The following DMXL1 variants were observed in gnomAD, a reference collection of about 807,000 sequenced individuals.
DMXL1 encodes the protein Dmx like 1.
In DMXL1, 99 loss-of-function variants were observed where a neutral mutation model predicts 319.2. The observed-to-expected ratio is 0.31, with a 90% CI of 0.26 to 0.37. The LOEUF (loss-of-function observed/expected upper bound fraction) is 0.37. Among genes scored for constraint, DMXL1 ranks in the 10% least tolerant of loss-of-function variants. The pLI is 1.00. For synonymous variants in DMXL1, 1,385 were observed against 1,235.2 expected (o/e 1.12, Z -2.54); for missense variants, 3,745 against 3,595.6 (o/e 1.04, Z -1.06).
At chr5:119,212,040 T>G (rs1278996362) in intron 34 of DMXL1, among the ~76,000 whole-genome samples, 2 of 152,216 alleles carry the variant, frequency 1.3e-5, no homozygotes, top group Non-Finnish European at 2.9e-5. Flanking sequence ...GCATAATTCC[T>G]TTTTGTGGTA....
Position 119,193,943 on chromosome 5 carries a change from A to G in DMXL1, c.7430A>G (p.Gln2477Arg). 6.2e-7 allele frequency: 1 copy of G among 1,609,158 alleles called. No homozygotes were observed. The change falls in exon 30 of 44, where the codon CAG becomes CGG. Residue 2477 changes from glutamine to arginine, a missense_variant. Around this residue, in one of 4 missense-constraint regions of DMXL1, gnomAD observed 1,382 missense variants for 1,269.5 expected, o/e 1.09. Coordinates refer to ENST00000539542, the MANE Select transcript of DMXL1 (RefSeq NM_001290321.3). ...DDVLASDFHL[Q>R]EHSNSNSYSW... ...GTTTTAGCATCAGATTTCCATCTCC[A>G]GGAACATTCTAATTCAAATTCATAT...
chr5:119,110,331 T>TG (rs1280404569), intron 5 of DMXL1, 48 bp downstream of exon 5: 2 of 1,453,744 alleles, frequency 1.4e-6, no homozygotes, highest in Non-Finnish European at 1.8e-6. Flanking sequence ...TTGTTCTATG[T>TG]GGTTTTATTA....
chr5:119,180,539 A>T, intron 28 of DMXL1, among the ~76,000 whole-genome samples: 1 of 152,232 alleles, frequency 6.6e-6, no homozygotes, highest in Middle Eastern at 3.4e-3. Context: ...TCTTATGCAC[A>T]TCAGATTTCA....
chr5:119,202,891 A>ATATATATATTTATATATT (rs1781045102), intron 32 of DMXL1, among the ~76,000 whole-genome samples: 1 of 139,962 alleles, frequency 7.1e-6, no homozygotes, highest in African/African-American at 2.8e-5. Context: ...ATTTTTATAT[A>ATATATATATTTATATATT]TATATATATA....
intron 19 of DMXL1, among the ~76,000 whole-genome samples, chr5:119,157,845 A>G (rs551520363): frequency 3.4e-4 from 51 of 151,992 alleles, no homozygotes; most frequent in African/African-American, 1.2e-3. Flanking sequence ...TTTTTCTTCT[A>G]TTTCTGTGAA....
chr5:119,127,504 C>T (rs1763866576), intron 9 of DMXL1, among the ~76,000 whole-genome samples: 6 of 152,082 alleles, frequency 3.9e-5, no homozygotes, highest in Non-Finnish European at 7.4e-5. Context: ...GTGCAGTGAC[C>T]GATAGCTCAC....
At chr5:119,214,372 C>A (rs1239605854) in intron 34 of DMXL1, among the ~76,000 whole-genome samples, 1 of 152,212 alleles carries the variant, frequency 6.6e-6, no homozygotes, top group Non-Finnish European at 1.5e-5. Flanking sequence ...ACTTCAGCTA[C>A]TGTAGTCGCC....
At chr5:119,082,966 C>T (rs918787897) in intron 1 of DMXL1, among the ~76,000 whole-genome samples, 1 of 152,150 alleles carries the variant, frequency 6.6e-6, no homozygotes, top group African/African-American at 2.4e-5. Flanking sequence ...ATATATTTGT[C>T]TTTCTGAGCT....
intron 43 of DMXL1, 29 bp downstream of exon 43, chr5:119,244,605 CA>C: frequency 6.5e-7 from 1 of 1,548,420 alleles, no homozygotes; most frequent in East Asian, 2.3e-5. Flanking sequence ...ACAACATCTA[CA>C]AAATGAAATC....
At chr5:119,144,129 A>G (rs542880861) in intron 14 of DMXL1, among the ~76,000 whole-genome samples, 199 bp downstream of exon 14, 1 of 151,818 alleles carries the variant, frequency 6.6e-6, no homozygotes, top group Non-Finnish European at 1.5e-5. Flanking sequence ...AATTATCCTC[A>G]TTACTATATT....
intron 28 of DMXL1, among the ~76,000 whole-genome samples, chr5:119,181,774 T>G (rs915055100): frequency 6.6e-6 from 1 of 151,842 alleles, no homozygotes; most frequent in African/African-American, 2.4e-5. Context: ...ATTGCGCCAC[T>G]GCACTCCAGC....
intron 1 of DMXL1, 135 bp downstream of exon 1, chr5:119,071,791 C>A: frequency 1.4e-6 from 1 of 713,324 alleles, no homozygotes; most frequent in Non-Finnish European, 2.2e-6. Context: ...CAGAACCCAG[C>A]AGACCTGGCC....
intron 34 of DMXL1, among the ~76,000 whole-genome samples, chr5:119,208,234 A>G (rs1262130841): frequency 6.7e-6 from 1 of 148,906 alleles, no homozygotes; most frequent in East Asian, 1.9e-4. Context: ...TTTTTTGGAA[A>G]CAGAGTTTCA....
At chr5:119,241,577 G>A (rs905435504) in intron 42 of DMXL1, among the ~76,000 whole-genome samples, 1 of 151,684 alleles carries the variant, frequency 6.6e-6, no homozygotes, top group Non-Finnish European at 1.5e-5. Flanking sequence ...GTCTGAAATG[G>A]CAGGCAACTA....
At position 119,074,786 on chromosome 5, in the gene DMXL1, T is replaced by G. The variant is rs142530999; in HGVS notation, c.87+3130T>G. Among the ~76,000 whole-genome samples the G allele has an allele frequency of 3.5e-4, 53 of 152,346 alleles. 1 individual carries two copies. The highest frequency in any genetic ancestry group is 5.5e-4 in the African/African-American group (23 of 41,578). ...GCCTTGTGGATTGTATGTGTATGAC[T>G]TCCCACGCTTCATTGTGAGCACCTA... On this transcript the variant is annotated intron_variant, in intron 1 of 43. Coordinates refer to ENST00000539542, the MANE Select transcript of DMXL1 (RefSeq NM_001290321.3).
At position 119,170,290 on chromosome 5, in the gene DMXL1, A is replaced by G; in HGVS notation, c.5499A>G (p.Thr1833=). The change falls in exon 24 of 44, where the codon ACA becomes ACG. Residue 1833 remains threonine, a synonymous_variant. Coordinates refer to ENST00000539542, the MANE Select transcript of DMXL1 (RefSeq NM_001290321.3). ...LLRRHFGSSD[T]FSTHMSLTGK... is the part of the protein sequence containing the mutation. ...GACGTCATTTTGGATCATCTGATAC[A>G]TTTTCCACACATATGAGCCTAACAG... is the stretch of plus-strand genomic sequence containing the variant. The G allele has an allele frequency of 6.2e-7, 1 of 1,613,912 alleles. No homozygotes were observed. Among genetic ancestry groups the G allele is most frequent in the Admixed American group, 1.7e-5 (1 of 60,002 alleles).
chr5:119,247,321 C>CTT lies in DMXL1; in HGVS notation c.*103_*104dup, dbSNP rs1789973364. 1.2e-6 allele frequency: 1 copy of CTT among 815,504 alleles called. No homozygotes were observed. Among genetic ancestry groups the CTT allele is most frequent in the Admixed American group, 2.9e-5 (1 of 34,224 alleles). The allele number at this position is 815,504 out of a possible 1,614,324, so 50.5% of individuals were successfully genotyped here. ...TATGCCACAAATTAGCTAATGCTTTCTTGTTTTTATATTTATTTTATGGAG... is the reference window on the plus strand; with the variant it reads ...TATGCCACAAATTAGCTAATGCTTTCTTTTGTTTTTATATTTATTTTATGGAG... On this transcript the variant is annotated 3_prime_UTR_variant, in exon 44 of 44. Transcript: ENST00000539542.
chr5:119,159,877 G>A (rs1193023735), intron 19 of DMXL1, among the ~76,000 whole-genome samples: 2 of 152,178 alleles, frequency 1.3e-5, no homozygotes, highest in Admixed American at 6.5e-5. Context: ...GCCTGCCTCC[G>A]TCTTCTAAAG....
chr5:119,178,553 T>G, intron 28 of DMXL1: 1 of 936,806 alleles, frequency 1.1e-6, no homozygotes, highest in Non-Finnish European at 1.3e-6. Flanking sequence ...CAAATACGGA[T>G]TCTTTCTTCT....
Sources: gnomAD v4.1 joint callset for allele counts (sites outside exome capture counted in the v4.1 genomes callset) on GRCh38, gnomAD v4.1.1 for gene constraint, gnomAD v4.1.1 regional missense constraint, MANE v1.5 for transcripts, NCBI Gene and HGNC (gene_info 2026-07-23, HGNC 2026-07-21) for gene names.